The following C8orf74 variants were observed in gnomAD, a reference collection of about 807,000 sequenced individuals.
The protein encoded by C8orf74 is chromosome 8 open reading frame 74, also known as uncharacterized protein C8orf74.
Under a neutral mutation model 22.2 loss-of-function variants are expected in C8orf74, and 29 were observed. That is an observed-to-expected ratio of 1.31 (90% confidence interval 0.97 to 1.78). The LOEUF (loss-of-function observed/expected upper bound fraction) is 1.78, where lower values mean the gene tolerates loss of function less well. Ranked by LOEUF, C8orf74 falls within the 40% of genes most tolerant of loss-of-function variation. C8orf74 has a pLI of 0.00. For missense variants in C8orf74, 515 were observed against 369.9 expected, an observed-to-expected ratio of 1.39 and a Z score of -3.22; for synonymous variants, 255 against 163.1, an observed-to-expected ratio of 1.56 and a Z score of -4.30.
intron 2 of C8orf74, among the ~76,000 whole-genome samples, chr8:10,685,483 C>T (rs1040882989): frequency 6.6e-6 from 1 of 152,220 alleles, no homozygotes; most frequent in Non-Finnish European, 1.5e-5. Flanking sequence ...GCAATTCTGT[C>T]CCATGCTACG....
At chr8:10,681,852 G>A (rs780475165) in intron 2 of C8orf74, among the ~76,000 whole-genome samples, 1 of 152,220 alleles carries the variant, frequency 6.6e-6, no homozygotes, top group South Asian at 2.1e-4. Context: ...GCCTGGTGAA[G>A]AGCGTCATGG....
At position 10,674,931 on chromosome 8, in the gene C8orf74, T is replaced by C; in HGVS notation, c.241+93T>C. 1.7e-5 allele frequency: 19 copies of C among 1,118,158 alleles called. No homozygotes were observed. In the South Asian group the frequency reaches 2.9e-4, roughly 17 times the overall value. 69.3% of individuals were successfully genotyped at this position (1,118,158 alleles called of 1,614,324 possible). A position where few individuals can be genotyped will look rare whatever the true frequency, so the allele number is the denominator to read the frequency against. On this transcript the variant is annotated intron_variant, in intron 2 of 3. Transcript: ENST00000304519. ...CTGCCGTCCACAGCCCCAGCAGCCTTGGAGGAGCCAGGGCCCCTTCCTGCC... is the reference window on the plus strand; with the variant it reads ...CTGCCGTCCACAGCCCCAGCAGCCTCGGAGGAGCCAGGGCCCCTTCCTGCC...
At chr8:10,674,894 C>T (rs1799001133) in intron 2 of C8orf74, 56 bp downstream of exon 2, 3 of 1,416,640 alleles carry the variant, frequency 2.1e-6, no homozygotes, top group African/African-American at 1.4e-5. Flanking sequence ...GGTGGGTACA[C>T]ATAGAACTCC....
intron 2 of C8orf74, among the ~76,000 whole-genome samples, chr8:10,681,752 C>A (rs970071842): frequency 6.6e-6 from 1 of 152,228 alleles, no homozygotes; most frequent in Non-Finnish European, 1.5e-5. Context: ...CAGGAAGAAC[C>A]TTTGCATATG....
At chr8:10,696,614 A>G (rs1799507219) in intron 2 of C8orf74, among the ~76,000 whole-genome samples, 1 of 151,532 alleles carries the variant, frequency 6.6e-6, no homozygotes, top group Non-Finnish European at 1.5e-5. Context: ...CACTCAGCTA[A>G]TATTTGTATT....
chr8:10,685,981 A>G (rs1282106969), intron 2 of C8orf74, among the ~76,000 whole-genome samples: 1 of 152,210 alleles, frequency 6.6e-6, no homozygotes, highest in African/African-American at 2.4e-5. Flanking sequence ...AGGCGGGAGA[A>G]TCACTTGAGC....
At chr8:10,684,313 A>G (rs1347372331) in intron 2 of C8orf74, among the ~76,000 whole-genome samples, 2 of 152,194 alleles carry the variant, frequency 1.3e-5, no homozygotes, top group African/African-American at 2.4e-5. Flanking sequence ...GCTCTTTCAC[A>G]TGAATCATTC....
intron 3 of C8orf74, among the ~76,000 whole-genome samples, chr8:10,699,202 C>T (rs928698288): frequency 6.6e-6 from 1 of 152,228 alleles, no homozygotes; most frequent in Non-Finnish European, 1.5e-5. Flanking sequence ...CCTGCCTGCT[C>T]CTCCCAGCTC....
At chr8:10,689,646 C>G (rs1338504513) in intron 2 of C8orf74, 8 of 152,146 alleles carry the variant, frequency 5.3e-5, no homozygotes. Flanking sequence ...TTACTCATAG[C>G]CTACCGTTGA....
chr8:10,700,284 T>G lies in C8orf74; in HGVS notation c.698T>G (p.Leu233Arg), dbSNP rs761170615. Residue 233 changes from leucine to arginine, a missense_variant, in exon 4 of 4, where the codon CTG becomes CGG. Coordinates refer to ENST00000304519, the MANE Select transcript of C8orf74 (RefSeq NM_001040032.2). ...CQAVHTQMEL[L>R]QELLQRQIQN... Reference sequence around the variant, plus strand: ...GCAGTCCACACCCAGATGGAGCTCCTGCAGGAGCTGCTGCAGCGCCAGATC... The same window carrying G: ...GCAGTCCACACCCAGATGGAGCTCCGGCAGGAGCTGCTGCAGCGCCAGATC... 4.9e-5 allele frequency: 79 copies of G among 1,613,352 alleles called. No individual in the cohort carries two copies. Among genetic ancestry groups the G allele is most frequent in the Non-Finnish European group, 9.3e-6 (11 of 1,179,534 alleles).
At chr8:10,672,896 G>C (rs991443506) in intron 1 of C8orf74, among the ~76,000 whole-genome samples, 183 bp downstream of exon 1, 1 of 152,132 alleles carries the variant, frequency 6.6e-6, no homozygotes, top group African/African-American at 2.4e-5. Context: ...CCAGCCCCTG[G>C]ACCTTGTGGG....
intron 1 of C8orf74, among the ~76,000 whole-genome samples, chr8:10,672,982 C>T (rs577496962): frequency 6.6e-6 from 1 of 152,272 alleles, no homozygotes; most frequent in South Asian, 2.1e-4. Context: ...TGCCTGCCTC[C>T]TCTGGGACCC....
At chr8:10,698,395 C>T (rs184843833) in intron 3 of C8orf74, among the ~76,000 whole-genome samples, 2 of 152,096 alleles carry the variant, frequency 1.3e-5, no homozygotes, top group East Asian at 3.9e-4. Flanking sequence ...TATCCAGAGC[C>T]GGCATGCCCC....
At chr8:10,675,907 G>A (rs1187411770) in intron 2 of C8orf74, 1 of 152,240 alleles carries the variant, frequency 6.6e-6, no homozygotes, top group African/African-American at 2.4e-5. Context: ...TGGCCTGTCT[G>A]GGTCTTTTTG....
chr8:10,685,707 G>A (rs1168418218), intron 2 of C8orf74, among the ~76,000 whole-genome samples: 1 of 152,174 alleles, frequency 6.6e-6, no homozygotes, highest in Admixed American at 6.6e-5. Context: ...GAAAGCTCTG[G>A]AGATGGATGG....
At chr8:10,700,212 T>A (rs1459726229) in intron 3 of C8orf74, 23 bp from the exon 4 acceptor site, 2 of 1,528,896 alleles carry the variant, frequency 1.3e-6, no homozygotes, top group Admixed American at 3.6e-5. Context: ...GCCCTGCTCA[T>A]CGGCCTTCCC....
chr8:10,694,184 G>A (rs1799441388), intron 2 of C8orf74, among the ~76,000 whole-genome samples: 1 of 152,096 alleles, frequency 6.6e-6, no homozygotes, highest in African/African-American at 2.4e-5. Context: ...TGTCTCTCCT[G>A]CAAGCAACTG....
chr8:10,674,576 C>A (rs1798988298), intron 1 of C8orf74, 70 bp from the exon 2 acceptor site: 3 of 1,288,950 alleles, frequency 2.3e-6, no homozygotes, highest in African/African-American at 1.5e-5. Context: ...CATATCACAC[C>A]CCGTAGCCCC....
chr8:10,674,786 G>T lies in C8orf74; in HGVS notation c.189G>T (p.Val63=). 2 of 1,606,886 alleles carry T rather than the reference G, an allele frequency of 1.2e-6. No individual in the cohort carries two copies. Among genetic ancestry groups the T allele is most frequent in the Non-Finnish European group, 1.7e-6 (2 of 1,176,794 alleles). Residue 63 remains valine (V), a synonymous_variant, in exon 2 of 4, where the codon GTG becomes GTT. Transcript: ENST00000304519. ...CAGTGGGCAAAGGCTTCCCATGGGT[G>T]GAGGTGGCCCAGGTGGTCAAGTTCA... ...IFAVGKGFPW[V]EVAQVVKFTE...
Sources: allele counts gnomAD v4.1 joint callset (sites outside exome capture counted in the v4.1 genomes callset), GRCh38; gene constraint gnomAD v4.1.1; transcripts MANE v1.5; gene names NCBI Gene and HGNC (gene_info 2026-07-23, HGNC 2026-07-21).